The following FKBP5 variants were observed in gnomAD, a reference collection of about 807,000 sequenced individuals.
FKBP5 encodes peptidyl-prolyl cis-trans isomerase FKBP5.
Under a neutral mutation model 50.5 loss-of-function variants are expected in FKBP5, and 23 were observed. The ratio of observed to expected loss-of-function variants is 0.46; its 90% CI spans 0.33 to 0.65. The LOEUF (loss-of-function observed/expected upper bound fraction) is 0.65. FKBP5 is among the 30% of genes least tolerant of loss of function. The pLI is 0.02. For synonymous variants in FKBP5, 176 were observed against 190.6 expected, an observed-to-expected ratio of 0.92 and a Z score of 0.63; for missense variants, 411 against 553.1, an observed-to-expected ratio of 0.74 and a Z score of 2.58.
At chr6:35,710,174 C>A (rs1277655255) in intron 2 of FKBP5, among the ~76,000 whole-genome samples, 1 of 152,158 alleles carries the variant, frequency 6.6e-6, no homozygotes, top group Non-Finnish European at 1.5e-5. Flanking sequence ...TCCTCTGCAC[C>A]TAACCAGAAG....
intron 1 of FKBP5, among the ~76,000 whole-genome samples, chr6:35,671,893 G>A (rs957065047): frequency 6.6e-6 from 1 of 151,522 alleles, no homozygotes; most frequent in Non-Finnish European, 1.5e-5. Context: ...TTTTGAGACG[G>A]AGTCTCACTC....
intron 5 of FKBP5, among the ~76,000 whole-genome samples, chr6:35,612,355 A>T (rs1763516954): frequency 6.6e-6 from 1 of 152,156 alleles, no homozygotes; most frequent in African/African-American, 2.4e-5. Flanking sequence ...GCGCCATTGC[A>T]CTCCAGCCTG....
chr6:35,722,469 G>A (rs1019527639), intron 1 of FKBP5, among the ~76,000 whole-genome samples: 2 of 152,112 alleles, frequency 1.3e-5, no homozygotes, highest in East Asian at 1.9e-4. Context: ...TGAAGCTCCC[G>A]GGCTGCAGGG....
intron 1 of FKBP5, among the ~76,000 whole-genome samples, chr6:35,652,500 C>T (rs1385638083): frequency 1.3e-5 from 2 of 152,164 alleles, no homozygotes; most frequent in Non-Finnish European, 2.9e-5. Context: ...CCCCCCGGGG[C>T]ATACCTGTCT....
At chr6:35,707,784 C>T (rs756545369) in intron 2 of FKBP5, among the ~76,000 whole-genome samples, 19 of 152,138 alleles carry the variant, frequency 1.2e-4, no homozygotes, top group Admixed American at 8.5e-4. Context: ...TTAGCTCCTA[C>T]GTACATGTGA....
chr6:35,612,044 A>G (rs1763508802), intron 5 of FKBP5, among the ~76,000 whole-genome samples: 1 of 152,152 alleles, frequency 6.6e-6, no homozygotes, highest in East Asian at 1.9e-4. Flanking sequence ...TCTAATAACC[A>G]TGGTAGGTAG....
In FKBP5 at chr6:35,637,013, C is replaced by T; in HGVS notation, c.250+1G>A. ...CACAACTCAAAAAAATACCCTCTTA[C>T]CTTTGCCAAGACTAAAGACAAATGG... On this transcript the variant is annotated splice_donor_variant, in intron 3 of 10. Coordinates refer to ENST00000357266, the MANE Select transcript of FKBP5 (RefSeq NM_004117.4). LOFTEE classifies it high-confidence loss of function. 6.3e-7 allele frequency: 1 copy of T among 1,592,602 alleles called. No individual in the cohort carries two copies.
Position 35,574,127 on chromosome 6 carries a change from CA to C in FKBP5, c.*1707del, listed in dbSNP as rs1480204528. ...TAAAAGAAATATTTCATAAAAAAGA[CA>C]AAAGCATAAATGAGAAATTAGAGGG... On this transcript the variant is annotated 3_prime_UTR_variant, in exon 11 of 11. Transcript: ENST00000357266. 6.6e-6 allele frequency: 1 copy of C among 151,796 alleles called. No homozygotes were observed. The highest frequency in any genetic ancestry group is 1.5e-5 in the Non-Finnish European group (1 of 67,948). The allele number at this position is 151,796 out of a possible 1,614,324, so 9.4% of individuals were successfully genotyped here.
Position 35,674,057 on chromosome 6 carries a change from C to T in FKBP5, c.-20+14747G>A, listed in dbSNP as rs549723165. Among the ~76,000 whole-genome samples, 5 of 152,258 alleles carry T rather than the reference C, an allele frequency of 3.3e-5. No homozygotes were observed. In the South Asian group the frequency reaches 6.2e-4, roughly 19 times the overall value. Reference sequence around the variant, plus strand: ...CCTTTCTCCCTCTCTCTGGTCCTTTCCACCTTATGGCTTGATGATTTAGGA... The same window carrying T: ...CCTTTCTCCCTCTCTCTGGTCCTTTTCACCTTATGGCTTGATGATTTAGGA... On this transcript the variant is annotated intron_variant, in intron 1 of 10. Coordinates refer to ENST00000357266, the MANE Select transcript of FKBP5 (RefSeq NM_004117.4).
At chr6:35,694,090 T>G (rs921086834) in intron 2 of FKBP5, among the ~76,000 whole-genome samples, 1 of 151,144 alleles carries the variant, frequency 6.6e-6, no homozygotes, top group South Asian at 2.1e-4. Context: ...CCTACTGCCT[T>G]GGCCTCCCAG....
chr6:35,658,244 G>A (rs960838226), intron 1 of FKBP5, among the ~76,000 whole-genome samples: 7 of 151,792 alleles, frequency 4.6e-5, no homozygotes, highest in Non-Finnish European at 8.8e-5. Flanking sequence ...GCGTGGTGGC[G>A]GGCGCCTGTA....
At chr6:35,681,174 A>G (rs944704184) in intron 1 of FKBP5, among the ~76,000 whole-genome samples, 2 of 152,138 alleles carry the variant, frequency 1.3e-5, no homozygotes, top group African/African-American at 4.8e-5. Context: ...TCTTTCCTTT[A>G]TTAAAGTAAA....
At chr6:35,580,740 A>G (rs1490110014) in intron 8 of FKBP5, 3 of 422,424 alleles carry the variant, frequency 7.1e-6, no homozygotes, top group African/African-American at 2.2e-5. Flanking sequence ...ACAGCGTTTC[A>G]CTATGTTGGC....
chr6:35,717,270 G>GT (rs1561908623), intron 2 of FKBP5, among the ~76,000 whole-genome samples: 1 of 152,260 alleles, frequency 6.6e-6, no homozygotes, highest in African/African-American at 2.4e-5. Flanking sequence ...CTCAAGGCAT[G>GT]TGAGCTGGGC....
intron 1 of FKBP5, among the ~76,000 whole-genome samples, chr6:35,679,773 A>C (rs1765618140): frequency 6.6e-6 from 1 of 152,148 alleles, no homozygotes; most frequent in Non-Finnish European, 1.5e-5. Flanking sequence ...GACTCAGAAG[A>C]GGGCAGGGGA....
Position 35,679,758 on chromosome 6 carries a change from C to T in FKBP5, c.-20+9046G>A, listed in dbSNP as rs1765617614. ...GGCATACAGAGTGATATAATGGATT[C>T]TAGAGACTCAGAAGAGGGCAGGGGA... On this transcript the variant is annotated intron_variant, in intron 1 of 10. Transcript: ENST00000357266. Among the ~76,000 whole-genome samples the T allele has an allele frequency of 2.0e-5, 3 of 152,132 alleles. No individual in the cohort carries two copies. The South Asian group carries it at 6.2e-4, about 32-fold the overall frequency.
At position 35,580,219 on chromosome 6, in the gene FKBP5, T is replaced by C. The variant is rs1329969057; in HGVS notation, c.843A>G (p.Gly281=). Residue 281 remains glycine (G), a splice_region_variant and synonymous_variant, in exon 9 of 11, where the codon GGA becomes GGG. Transcript: ENST00000357266. ...VKEKGTVYFK[G]GKYMQAVIQY... The stretch of plus-strand genomic sequence containing the variant: ...GAATCACCGCCTGCATGTATTTGCC[T>C]CCCTAGGATAAAAAAGCGTCATTAC... 3 of 1,608,326 alleles carry C rather than the reference T, an allele frequency of 1.9e-6. No individual in the cohort carries two copies. The highest frequency in any genetic ancestry group is 2.5e-6 in the Non-Finnish European group (3 of 1,176,496).
chr6:35,656,328 C>G (rs113019907), intron 1 of FKBP5, among the ~76,000 whole-genome samples: 1 of 152,156 alleles, frequency 6.6e-6, no homozygotes, highest in African/African-American at 2.4e-5. Flanking sequence ...TCCATCTATA[C>G]TTTTCGGGGG....
chr6:35,684,720 A>C (rs1765774133), intron 1 of FKBP5, among the ~76,000 whole-genome samples: 1 of 152,102 alleles, frequency 6.6e-6, no homozygotes. Flanking sequence ...TCATTAACCA[A>C]ATGTTTTCCA....
Sources: gnomAD v4.1 joint callset for allele counts (sites outside exome capture counted in the v4.1 genomes callset) on GRCh38, gnomAD v4.1.1 for gene constraint, MANE v1.5 for transcripts, NCBI Gene and HGNC (gene_info 2026-07-23, HGNC 2026-07-21) for gene names.